The following CC2D2A variants were observed in gnomAD, a reference collection of about 807,000 sequenced individuals.
CC2D2A encodes the protein coiled-coil and C2 domain-containing protein 2A.
In CC2D2A, 155 loss-of-function variants were observed where a neutral mutation model predicts 212.9. The observed-to-expected ratio is 0.73, with a 90% CI of 0.64 to 0.83. CC2D2A has a LOEUF of 0.83. Ranked by LOEUF, CC2D2A falls within the 40% of genes least tolerant of loss-of-function variation. The pLI is 0.00. For missense variants in CC2D2A, 1,856 were observed against 1,956.2 expected, an observed-to-expected ratio of 0.95 and a Z score of 0.97; for synonymous variants, 667 against 686.5, an observed-to-expected ratio of 0.97 and a Z score of 0.44.
chr4:15,537,064 G>C lies in CC2D2A; in HGVS notation c.1752G>C (p.Trp584Cys), dbSNP rs1467320427. The change falls in exon 15 of 37, where the codon TGG (tryptophan) becomes TGC (cysteine). Residue 584 changes from tryptophan to cysteine, a missense_variant. Trp to Cys is a radical substitution (Grantham distance 215). Coordinates refer to ENST00000424120, the MANE Select transcript of CC2D2A (RefSeq NM_001378615.1). Reference sequence around the variant, plus strand: ...CGTCGTTACAACAGTGGAAGGCCTGGAGGAAAGTGCAAGTGTGTAAACAAA... The same window carrying C: ...CGTCGTTACAACAGTGGAAGGCCTGCAGGAAAGTGCAAGTGTGTAAACAAA... ...YRTSLQQWKA[W>C]RKVQRAKKKK... 1.2e-6 allele frequency: 2 copies of C among 1,613,362 alleles called. No homozygotes were observed. Among genetic ancestry groups the C allele is most frequent in the Non-Finnish European group, 1.7e-6 (2 of 1,179,550 alleles).
rs1719320109 is a variant in CC2D2A, at chr4:15,557,092, A to C, written c.2626-212A>C. Among the ~76,000 whole-genome samples the C allele has an allele frequency of 2.0e-5, 3 of 152,226 alleles. No individual in the cohort carries two copies. In the South Asian group the frequency reaches 6.2e-4, roughly 31 times the overall value. On this transcript the variant is annotated intron_variant, in intron 20 of 36. Transcript: ENST00000424120. The stretch of plus-strand genomic sequence containing the variant: ...CATGAACACCAAAAGTGAAACATAT[A>C]ATTTTTATTGTTTGGAAAATGATTT...
chr4:15,495,723 A>T (rs938872140), intron 4 of CC2D2A, among the ~76,000 whole-genome samples: 3 of 152,120 alleles, frequency 2.0e-5, no homozygotes, highest in African/African-American at 7.2e-5. Flanking sequence ...TGGTAGAATG[A>T]TTTATATTCC....
chr4:15,506,229 T>G (rs747429311), intron 6 of CC2D2A, among the ~76,000 whole-genome samples: 2 of 152,212 alleles, frequency 1.3e-5, no homozygotes, highest in Non-Finnish European at 2.9e-5. Flanking sequence ...ATTAATGGCC[T>G]TAAATGTATT....
chr4:15,580,184 T>G lies in CC2D2A; in HGVS notation c.3975+13T>G. 1 of 1,597,484 alleles carries G rather than the reference T, an allele frequency of 6.3e-7. No homozygotes were observed. The highest frequency in any genetic ancestry group is 8.6e-7 in the Non-Finnish European group (1 of 1,165,514). On this transcript the variant is annotated intron_variant, in intron 30 of 36. Coordinates refer to ENST00000424120, the MANE Select transcript of CC2D2A (RefSeq NM_001378615.1). ...ACAGGCAACTGCAGTAAGTATTTCA[T>G]AGTCAATAAGTGCTGTGCTAAAACT...
chr4:15,486,925 G>A (rs529766432), intron 4 of CC2D2A, among the ~76,000 whole-genome samples: 1 of 151,668 alleles, frequency 6.6e-6, no homozygotes, highest in South Asian at 2.1e-4. Context: ...GGAGTGTATT[G>A]TTTAATTTTT....
Position 15,480,758 on chromosome 4 carries a change from C to T in CC2D2A, c.178C>T (p.Pro60Ser), listed in dbSNP as rs1472622163. The change falls in exon 4 of 37, where the codon CCC becomes TCC. Residue 60 changes from proline (P) to serine (S), a missense_variant. Around this residue, in one of 5 missense-constraint regions of CC2D2A, gnomAD observed 1,512 missense variants for 1,579.3 expected, o/e 0.96. Transcript: ENST00000424120. ...GTCCGAAAAATCCCACCTTGGCAAC[C>T]CCCAGGAGCCTGTGCAGGAGGAGCC... The part of the protein sequence containing the change: ...MVSEKSHLGN[P>S]QEPVQEEPKT... 1.2e-6 allele frequency: 2 copies of T among 1,612,988 alleles called. No homozygotes were observed. The highest frequency in any genetic ancestry group is 1.1e-5 in the South Asian group (1 of 90,828).
At chr4:15,587,222 A>G (rs1720890878) in intron 31 of CC2D2A, among the ~76,000 whole-genome samples, 1 of 152,188 alleles carries the variant, frequency 6.6e-6, no homozygotes, top group Non-Finnish European at 1.5e-5. Flanking sequence ...TTGCACTCCT[A>G]TGAGAATCTA....
At chr4:15,543,330 G>GA (rs930117445) in intron 17 of CC2D2A, among the ~76,000 whole-genome samples, 11 of 151,466 alleles carry the variant, frequency 7.3e-5, no homozygotes, top group Non-Finnish European at 1.0e-4. Flanking sequence ...TCTGAAACTT[G>GA]AAAAAAAACA....
At position 15,569,341 on chromosome 4, in the gene CC2D2A, T is replaced by C. The variant is rs772795748; in HGVS notation, c.3447T>C (p.Asp1149=). 4 of 1,583,628 alleles carry C rather than the reference T, an allele frequency of 2.5e-6. No homozygotes were observed. The South Asian group carries it at 3.5e-5, about 14-fold the overall frequency. ...YSTASLQSVK[D]VVFINIFDEV... ...CAGCCAGTCTGCAGTCAGTGAAAGA[T>C]GTTGTGTTCATTAACATTTTTGATG... Residue 1149 remains aspartate, a synonymous_variant, in exon 27 of 37, where the codon GAT becomes GAC. Transcript: ENST00000424120.
Position 15,553,217 on chromosome 4 carries a change from A to C in CC2D2A, c.2398A>C (p.Lys800Gln), listed in dbSNP as rs751256652. Reference sequence around the variant, plus strand: ...CCAGCTGACTCTGATGACCTCAGGGAAAGTGTCTCATAGTGTGGCATGGGC... The same window carrying C: ...CCAGCTGACTCTGATGACCTCAGGGCAAGTGTCTCATAGTGTGGCATGGGC... ...SNQLTLMTSG[K>Q]VSHSVAWAIG... The change falls in exon 19 of 37, where the codon AAA becomes CAA. Residue 800 changes from lysine (K) to glutamine (Q), a missense_variant. Lys to Gln is a moderately conservative substitution (Grantham distance 53). This residue lies in a region of CC2D2A where 1,512 missense variants were observed against 1,579.3 expected (regional missense o/e 0.96). Coordinates refer to ENST00000424120, the MANE Select transcript of CC2D2A (RefSeq NM_001378615.1). 6.2e-7 allele frequency: 1 copy of C among 1,612,128 alleles called. No homozygotes were observed. The highest frequency in any genetic ancestry group is 8.5e-7 in the Non-Finnish European group (1 of 1,179,288).
chr4:15,482,306 AT>A, intron 4 of CC2D2A: 1 of 982,296 alleles, frequency 1.0e-6, no homozygotes, highest in Non-Finnish European at 1.2e-6. Context: ...AAAATTATTT[AT>A]TACTACCAAA....
chr4:15,592,295 T>C (rs1373243155), intron 33 of CC2D2A, among the ~76,000 whole-genome samples: 2 of 152,162 alleles, frequency 1.3e-5, no homozygotes, highest in African/African-American at 2.4e-5. Flanking sequence ...TAAAACTACA[T>C]TGCCTTTCTT....
chr4:15,479,349 T>C, intron 3 of CC2D2A: 1 of 1,515,484 alleles, frequency 6.6e-7, no homozygotes. Context: ...GGTAAGAAGT[T>C]GTCCTCTGAG....
intron 8 of CC2D2A, among the ~76,000 whole-genome samples, chr4:15,514,203 G>A (rs757543064): frequency 7.2e-5 from 11 of 152,198 alleles, no homozygotes; most frequent in Non-Finnish European, 1.5e-4. Context: ...AGGAAACTGA[G>A]GATCAGAAGG....
chr4:15,499,660 TA>T (rs1481718530), intron 4 of CC2D2A, among the ~76,000 whole-genome samples: 3 of 152,158 alleles, frequency 2.0e-5, no homozygotes, highest in Admixed American at 6.5e-5. Context: ...TTATGAAAAC[TA>T]AAAAACCCTG....
chr4:15,599,789 A>G, intron 36 of CC2D2A, 83 bp downstream of exon 36: 1 of 1,117,260 alleles, frequency 9.0e-7, no homozygotes, highest in East Asian at 2.5e-5. Flanking sequence ...TTCTGGAATC[A>G]AAAGACCCAC....
rs776548068 is a variant in CC2D2A at position 15,550,920 on chromosome 4, G to A, written c.2278G>A (p.Glu760Lys). 6.2e-7 allele frequency: 1 copy of A among 1,609,400 alleles called. No individual in the cohort carries two copies. The highest frequency in any genetic ancestry group is 8.5e-7 in the Non-Finnish European group (1 of 1,176,196). Reference protein sequence around the residue: ...TTVVTGRAPTEEVEFSSNQHV... With the variant: ...TTVVTGRAPTKEVEFSSNQHV... Reference sequence around the variant, plus strand: ...TGTTGTCACTGGAAGGGCTCCTACTGAAGAAGTGGAGTTTAGCAGTAATCA... The same window carrying A: ...TGTTGTCACTGGAAGGGCTCCTACTAAAGAAGTGGAGTTTAGCAGTAATCA... Residue 760 changes from glutamate to lysine, a missense_variant, in exon 18 of 37, where the codon GAA becomes AAA. Coordinates refer to ENST00000424120, the MANE Select transcript of CC2D2A (RefSeq NM_001378615.1).
chr4:15,544,651 A>G (rs1718619154), intron 17 of CC2D2A, among the ~76,000 whole-genome samples: 1 of 152,142 alleles, frequency 6.6e-6, no homozygotes, highest in Non-Finnish European at 1.5e-5. Context: ...CACTCCCACT[A>G]TGGGCACTTC....
At chr4:15,492,965 T>C (rs1024966247) in intron 4 of CC2D2A, 2 of 479,400 alleles carry the variant, frequency 4.2e-6, no homozygotes, top group Admixed American at 2.4e-5. Flanking sequence ...TTTGATGTCA[T>C]CATATTTGTT....
Sources: allele counts gnomAD v4.1 joint callset (sites outside exome capture counted in the v4.1 genomes callset), GRCh38; gene constraint gnomAD v4.1.1; regional missense constraint gnomAD v4.1.1; transcripts MANE v1.5; gene names NCBI Gene and HGNC (gene_info 2026-07-23, HGNC 2026-07-21).